Variants in RBFOX1 observed in about 807,000 individuals in gnomAD.
RBFOX1 encodes RNA binding fox-1 homolog 1.
Under a neutral mutation model 57.7 loss-of-function variants are expected in RBFOX1, and 8 were observed. The ratio of observed to expected loss-of-function variants is 0.14; its 90% CI spans 0.08 to 0.25. The LOEUF is 0.25. Among genes scored for constraint, RBFOX1 ranks in the 10% least tolerant of loss-of-function variants. The pLI is 1.00. For missense variants in RBFOX1, 611 were observed against 548.5 expected, an observed-to-expected ratio of 1.11 and a Z score of -1.14; for synonymous variants, 326 against 222.4, an observed-to-expected ratio of 1.47 and a Z score of -4.15.
At chr16:6,923,396 G>C (rs1181326677) in intron 3 of RBFOX1, among the ~76,000 whole-genome samples, 1 of 152,126 alleles carries the variant, frequency 6.6e-6, no homozygotes. Flanking sequence ...TAGCAGGCAT[G>C]GTGGGGAACA....
At chr16:6,998,905 A>G (rs140520655) in intron 3 of RBFOX1, among the ~76,000 whole-genome samples, 2,199 of 151,780 alleles carry the variant, frequency 0.014, 29 homozygotes, top group South Asian at 0.022. Flanking sequence ...GTTTCACTCT[A>G]TCACCCAGGC....
intron 3 of RBFOX1, among the ~76,000 whole-genome samples, chr16:6,852,257 C>A (rs2094112634): frequency 6.6e-6 from 1 of 152,076 alleles, no homozygotes; most frequent in Non-Finnish European, 1.5e-5. Context: ...CAGTCTCTGC[C>A]TCTGTGTTCT....
Position 6,684,123 on chromosome 16 carries a change from G to A in RBFOX1, c.-16+29473G>A, listed in dbSNP as rs571981936. Among the ~76,000 whole-genome samples the A allele has an allele frequency of 3.3e-5, 5 of 152,294 alleles. 1 individual carries two copies. In the South Asian group the frequency reaches 1.0e-3, roughly 32 times the overall value. ...GAGAAAATAGCAGAATTTCCTGATG[G>A]TTTTCAATGGTATCAGCATGCTTTT... On this transcript the variant is annotated intron_variant, in intron 3 of 15. Transcript: ENST00000550418.
chr16:7,689,933 C>T (rs1053024012), intron 14 of RBFOX1, among the ~76,000 whole-genome samples: 4 of 152,144 alleles, frequency 2.6e-5, no homozygotes, highest in Middle Eastern at 3.4e-3. Flanking sequence ...TGTGTGGTTG[C>T]ATAGTCTAAA....
chr16:5,875,337 C>T (rs2057577434), intron 4 of RBFOX1, among the ~76,000 whole-genome samples: 1 of 152,194 alleles, frequency 6.6e-6, no homozygotes, highest in African/African-American at 2.4e-5. Context: ...CTGATTGCAA[C>T]ACCTGGGCTG....
At chr16:5,456,178 G>A (rs1282450131) in intron 1 of RBFOX1, among the ~76,000 whole-genome samples, 3 of 151,706 alleles carry the variant, frequency 2.0e-5, no homozygotes, top group Non-Finnish European at 4.4e-5. Context: ...AATACCTTAA[G>A]CCCATTTCTC....
intron 3 of RBFOX1, among the ~76,000 whole-genome samples, chr16:6,776,213 C>T (rs1276599318): frequency 6.6e-6 from 1 of 151,980 alleles, no homozygotes; most frequent in Non-Finnish European, 1.5e-5. Flanking sequence ...AGATCGAGAC[C>T]ATCCTGGCTA....
intron 2 of RBFOX1, among the ~76,000 whole-genome samples, chr16:5,528,745 G>T (rs1191667537): frequency 6.6e-6 from 1 of 151,500 alleles, no homozygotes; most frequent in African/African-American, 2.4e-5. Context: ...CACCTCCCAG[G>T]TTCAAGCGAT....
At chr16:6,284,857 GTTC>G (rs1023693132) in intron 1 of RBFOX1, among the ~76,000 whole-genome samples, 2 of 152,150 alleles carry the variant, frequency 1.3e-5, no homozygotes, top group African/African-American at 4.8e-5. Context: ...AGAACACATT[GTTC>G]TTCTCATTAA....
intron 2 of RBFOX1, among the ~76,000 whole-genome samples, chr16:6,545,191 C>G (rs1255093928): frequency 2.0e-5 from 3 of 152,192 alleles, no homozygotes; most frequent in Non-Finnish European, 4.4e-5. Flanking sequence ...GACTACAAGC[C>G]TCCTAACTGG....
chr16:6,631,188 T>C (rs907216747), intron 2 of RBFOX1, among the ~76,000 whole-genome samples: 3 of 151,778 alleles, frequency 2.0e-5, no homozygotes, highest in African/African-American at 4.8e-5. Context: ...GCCTCGGAAA[T>C]TGTGAATCTG....
At chr16:6,728,120 A>T (rs1051239780) in intron 3 of RBFOX1, among the ~76,000 whole-genome samples, 1 of 152,208 alleles carries the variant, frequency 6.6e-6, no homozygotes, top group Non-Finnish European at 1.5e-5. Context: ...TTAATATTTT[A>T]TCATTAGTTT....
chr16:7,401,661 A>T (rs1159594106), intron 4 of RBFOX1, among the ~76,000 whole-genome samples: 2 of 152,214 alleles, frequency 1.3e-5, no homozygotes, highest in African/African-American at 4.8e-5. Context: ...ATTATCTATC[A>T]AGTAGAGGAA....
intron 3 of RBFOX1, among the ~76,000 whole-genome samples, chr16:6,680,323 C>T (rs1258075169): frequency 4.5e-5 from 6 of 133,460 alleles, no homozygotes; most frequent in Admixed American, 2.6e-4. Context: ...AGTGCAGTGG[C>T]GCCATCTCAG....
chr16:7,249,699 C>G (rs553717213), intron 4 of RBFOX1, among the ~76,000 whole-genome samples: 2 of 151,944 alleles, frequency 1.3e-5, no homozygotes, highest in African/African-American at 4.8e-5. Flanking sequence ...ATTTTTGGCA[C>G]AGTCCCAATT....
At chr16:6,835,468 C>T (rs964457442) in intron 3 of RBFOX1, among the ~76,000 whole-genome samples, 1 of 152,072 alleles carries the variant, frequency 6.6e-6, no homozygotes. Context: ...TTTCTATCTT[C>T]TTGGCCGGGT....
chr16:6,618,820 C>T (rs1293965147), intron 2 of RBFOX1, among the ~76,000 whole-genome samples: 2 of 152,198 alleles, frequency 1.3e-5, no homozygotes, highest in African/African-American at 4.8e-5. Flanking sequence ...TGTGCAACTG[C>T]ACCTTGCTTC....
chr16:6,144,091 G>A (rs2096739896), intron 1 of RBFOX1, among the ~76,000 whole-genome samples: 5 of 152,010 alleles, frequency 3.3e-5, no homozygotes, highest in African/African-American at 1.2e-4. Flanking sequence ...GAGCCACTGT[G>A]TGTGGTCACA....
At chr16:7,458,509 G>A (rs1598912590) in intron 4 of RBFOX1, among the ~76,000 whole-genome samples, 1 of 152,000 alleles carries the variant, frequency 6.6e-6, no homozygotes, top group Non-Finnish European at 1.5e-5. Flanking sequence ...TTATTTTACT[G>A]TTGCTTATTT....
Sources: allele counts gnomAD v4.1 joint callset (sites outside exome capture counted in the v4.1 genomes callset), GRCh38; gene constraint gnomAD v4.1.1; transcripts MANE v1.5; gene names NCBI Gene and HGNC (gene_info 2026-07-23, HGNC 2026-07-21).